SUCLG2: variants seen among roughly 807,000 people sequenced by gnomAD.
SUCLG2 encodes succinate--CoA ligase [GDP-forming] subunit beta, mitochondrial.
In SUCLG2, 42 loss-of-function variants were observed where a neutral mutation model predicts 47.9. That is an observed-to-expected ratio of 0.88 (90% CI 0.69 to 1.14). The LOEUF is 1.14. Ranked by LOEUF, SUCLG2 falls within the 50% of genes most tolerant of loss-of-function variation. The pLI is 0.00. For missense variants in SUCLG2, 571 were observed against 525.9 expected, an observed-to-expected ratio of 1.09 and a Z score of -0.84; for synonymous variants, 195 against 197.3, an observed-to-expected ratio of 0.99 and a Z score of 0.10.
intron 2 of SUCLG2, among the ~76,000 whole-genome samples, chr3:67,536,396 CAG>C (rs1238809689): frequency 6.6e-6 from 1 of 152,232 alleles, no homozygotes; most frequent in African/African-American, 2.4e-5. Context: ...GTTCCTCTCT[CAG>C]ACCCTCCTCC....
intron 9 of SUCLG2, among the ~76,000 whole-genome samples, chr3:67,449,851 T>G (rs1704012080): frequency 6.6e-6 from 1 of 152,036 alleles, no homozygotes; most frequent in Non-Finnish European, 1.5e-5. Context: ...TGGCCTCAAG[T>G]GATCCACCTG....
chr3:67,502,747 A>G (rs924795246), intron 7 of SUCLG2, among the ~76,000 whole-genome samples: 19 of 152,198 alleles, frequency 1.2e-4, no homozygotes, highest in Admixed American at 6.5e-5. Flanking sequence ...ATCTAAGCAA[A>G]TGTCTCCCAT....
intron 7 of SUCLG2, among the ~76,000 whole-genome samples, chr3:67,508,255 G>C (rs1178458750): frequency 1.3e-5 from 2 of 152,044 alleles, no homozygotes; most frequent in African/African-American, 2.4e-5. Context: ...ACAGATTTAG[G>C]CAAACTAAAG....
intron 7 of SUCLG2, among the ~76,000 whole-genome samples, chr3:67,505,370 T>A (rs760240056): frequency 6.6e-6 from 1 of 152,246 alleles, no homozygotes; most frequent in Non-Finnish European, 1.5e-5. Context: ...TAACTTTCTG[T>A]CATTAGCAAC....
chr3:67,537,097 GGTTT>G (rs755622697), intron 2 of SUCLG2, among the ~76,000 whole-genome samples: 20 of 152,088 alleles, frequency 1.3e-4, no homozygotes, highest in Admixed American at 1.2e-3. Flanking sequence ...AGAGCCTGCT[GGTTT>G]GTTACATAGG....
intron 9 of SUCLG2, among the ~76,000 whole-genome samples, chr3:67,423,603 CA>C (rs1703226840): frequency 6.6e-6 from 1 of 152,108 alleles, no homozygotes; most frequent in African/African-American, 2.4e-5. Flanking sequence ...TCTTGGAGCC[CA>C]AATACTCACA....
chr3:67,414,467 C>T (rs958885249), intron 9 of SUCLG2, among the ~76,000 whole-genome samples: 1 of 152,084 alleles, frequency 6.6e-6, no homozygotes, highest in African/African-American at 2.4e-5. Context: ...AAACTCAGTG[C>T]CAGACAGGTA....
chr3:67,573,523 A>G (rs550339205), intron 2 of SUCLG2, among the ~76,000 whole-genome samples: 1 of 152,326 alleles, frequency 6.6e-6, no homozygotes, highest in South Asian at 2.1e-4. Flanking sequence ...ATTATCTTAC[A>G]ATTCTGTAGG....
intron 1 of SUCLG2, among the ~76,000 whole-genome samples, chr3:67,645,650 G>A (rs1029158937): frequency 2.6e-5 from 4 of 151,928 alleles, no homozygotes; most frequent in African/African-American, 9.7e-5. Context: ...CTTTAAAAGA[G>A]CCCTGAATCT....
intron 9 of SUCLG2, among the ~76,000 whole-genome samples, chr3:67,407,561 C>G (rs1375585796): frequency 6.6e-6 from 1 of 152,160 alleles, no homozygotes; most frequent in Non-Finnish European, 1.5e-5. Flanking sequence ...TCAGAGTAAG[C>G]CAGCTACTTT....
intron 9 of SUCLG2, among the ~76,000 whole-genome samples, chr3:67,469,981 G>A (rs1334654007): frequency 6.6e-6 from 1 of 150,874 alleles, no homozygotes; most frequent in Admixed American, 6.6e-5. Context: ...GGAGGTGGAG[G>A]TTGCAAAGTG....
At chr3:67,598,549 A>T (rs1486406916) in intron 2 of SUCLG2, among the ~76,000 whole-genome samples, 2 of 152,204 alleles carry the variant, frequency 1.3e-5, no homozygotes. Context: ...AAACCTGTCC[A>T]GATTTACAGA....
intron 10 of SUCLG2, among the ~76,000 whole-genome samples, chr3:67,391,859 T>C (rs1054083046): frequency 1.3e-5 from 2 of 152,186 alleles, no homozygotes; most frequent in African/African-American, 4.8e-5. Context: ...ACGTGTGTTC[T>C]GTACGGAGTT....
At chr3:67,482,797 C>T (rs184822405) in intron 9 of SUCLG2, among the ~76,000 whole-genome samples, 2 of 152,226 alleles carry the variant, frequency 1.3e-5, no homozygotes, top group Non-Finnish European at 2.9e-5. Context: ...TTGGGATTAA[C>T]GAGCAAGTGA....
At chr3:67,652,582 A>G (rs1462184466) in intron 1 of SUCLG2, among the ~76,000 whole-genome samples, 2 of 152,258 alleles carry the variant, frequency 1.3e-5, no homozygotes, top group Non-Finnish European at 2.9e-5. Context: ...AGATGGTCAT[A>G]AAGAAAAAAA....
chr3:67,486,875 G>C (rs1246057684), intron 9 of SUCLG2, among the ~76,000 whole-genome samples: 2 of 152,190 alleles, frequency 1.3e-5, no homozygotes, highest in Admixed American at 6.5e-5. Flanking sequence ...TGCATTGGGT[G>C]ACTAAAATTT....
intron 9 of SUCLG2, among the ~76,000 whole-genome samples, chr3:67,454,459 C>T (rs1279757266): frequency 6.6e-6 from 1 of 151,988 alleles, no homozygotes; most frequent in East Asian, 1.9e-4. Flanking sequence ...TATCCTCTAC[C>T]TACCTTTAGT....
At chr3:67,602,538 A>AT (rs1292435689) in intron 2 of SUCLG2, among the ~76,000 whole-genome samples, 1 of 152,182 alleles carries the variant, frequency 6.6e-6, no homozygotes, top group African/African-American at 2.4e-5. Flanking sequence ...AGAGAAGACC[A>AT]TTTATATTTG....
chr3:67,476,691 T>C (rs954083188), intron 9 of SUCLG2, among the ~76,000 whole-genome samples: 3 of 152,258 alleles, frequency 2.0e-5, no homozygotes, highest in Non-Finnish European at 4.4e-5. Flanking sequence ...ACCAAAATGG[T>C]TGGGAACTAA....
Sources: allele counts gnomAD v4.1 joint callset (sites outside exome capture counted in the v4.1 genomes callset), GRCh38; gene constraint gnomAD v4.1.1; transcripts MANE v1.5; gene names NCBI Gene and HGNC (gene_info 2026-07-23, HGNC 2026-07-21).